Variants in DAB2IP observed in about 807,000 individuals in gnomAD.
DAB2IP encodes disabled homolog 2-interacting protein.
Under a neutral mutation model 107.2 loss-of-function variants are expected in DAB2IP, and 28 were observed. The observed-to-expected ratio is 0.26, with a 90% CI of 0.19 to 0.36. The LOEUF (loss-of-function observed/expected upper bound fraction) is 0.36. Ranked by LOEUF, DAB2IP falls within the 10% of genes least tolerant of loss-of-function variation. The pLI is 1.00. For synonymous variants in DAB2IP, 755 were observed against 706.4 expected (o/e 1.07, Z -1.09); for missense variants, 1,400 against 1,644.7 (o/e 0.85, Z 2.57).
intron 10 of DAB2IP, among the ~76,000 whole-genome samples, chr9:121,769,448 G>C (rs887203206): frequency 1.1e-4 from 17 of 152,190 alleles, no homozygotes; most frequent in African/African-American, 3.6e-4. Flanking sequence ...GCTGCTGTGT[G>C]CATTTCTTAC....
intron 1 of DAB2IP, among the ~76,000 whole-genome samples, chr9:121,627,342 C>G (rs1831694118): frequency 6.6e-6 from 1 of 151,862 alleles, no homozygotes; most frequent in Non-Finnish European, 1.5e-5. Context: ...AACCAGGCCC[C>G]CTGTGATGGA....
intron 1 of DAB2IP, among the ~76,000 whole-genome samples, chr9:121,580,678 C>G (rs1008162892): frequency 4.5e-4 from 69 of 151,882 alleles, no homozygotes; most frequent in Middle Eastern, 3.4e-3. Flanking sequence ...AGGCTGGAGT[C>G]CAGTGGCGCA....
At chr9:121,754,681 G>C (rs1589646929) in intron 3 of DAB2IP, among the ~76,000 whole-genome samples, 1 of 152,176 alleles carries the variant, frequency 6.6e-6, no homozygotes. Flanking sequence ...GGGGAAGGAA[G>C]GGGAGGGCTC....
chr9:121,600,196 G>C (rs1830646628), intron 1 of DAB2IP, among the ~76,000 whole-genome samples: 1 of 152,136 alleles, frequency 6.6e-6, no homozygotes, highest in African/African-American at 2.4e-5. Context: ...CCTGGGAATT[G>C]GTGATAGGGC....
chr9:121,605,715 A>C (rs1830846596), intron 1 of DAB2IP, among the ~76,000 whole-genome samples: 1 of 152,182 alleles, frequency 6.6e-6, no homozygotes, highest in Non-Finnish European at 1.5e-5. Context: ...TATATTGCGC[A>C]GGCTGGTCTT....
At chr9:121,722,368 C>T (rs962654791) in intron 3 of DAB2IP, among the ~76,000 whole-genome samples, 1 of 152,154 alleles carries the variant, frequency 6.6e-6, no homozygotes, top group Non-Finnish European at 1.5e-5. Flanking sequence ...CGGCTCTGGC[C>T]AAAGCCTGTT....
intron 1 of DAB2IP, among the ~76,000 whole-genome samples, chr9:121,675,318 G>A (rs1833854625): frequency 6.6e-6 from 1 of 152,192 alleles, no homozygotes; most frequent in Non-Finnish European, 1.5e-5. Context: ...GGACATTCCT[G>A]CATCGTGGCA....
At chr9:121,714,780 A>T (rs1830506552) in intron 3 of DAB2IP, among the ~76,000 whole-genome samples, 1 of 152,224 alleles carries the variant, frequency 6.6e-6, no homozygotes, top group African/African-American at 2.4e-5. Context: ...AGGCAGTGAG[A>T]GCCCAGATCT....
chr9:121,774,462 A>C, intron 13 of DAB2IP, 50 bp downstream of exon 13: 1 of 1,524,572 alleles, frequency 6.6e-7, no homozygotes, highest in Middle Eastern at 1.8e-4. Context: ...GCCTCCCGGC[A>C]GCAGCTGGTA....
chr9:121,756,716 G>A lies in DAB2IP; in HGVS notation c.363-297G>A, dbSNP rs1368105966. Among the ~76,000 whole-genome samples the A allele has an allele frequency of 2.0e-5, 3 of 152,258 alleles. No homozygotes were observed. In the East Asian group the frequency reaches 5.8e-4, roughly 29 times the overall value. Reference sequence around the variant, plus strand: ...GTCTCTGAGACTTCTCAGGAGCCAAGCTGGCCCAGGCCCCGCAGGCTCACT... The same window carrying A: ...GTCTCTGAGACTTCTCAGGAGCCAAACTGGCCCAGGCCCCGCAGGCTCACT... On this transcript the variant is annotated intron_variant, in intron 3 of 15. Coordinates refer to ENST00000408936, the Ensembl canonical transcript of DAB2IP.
intron 1 of DAB2IP, among the ~76,000 whole-genome samples, chr9:121,632,792 C>T (rs1298772048): frequency 1.3e-5 from 2 of 152,242 alleles, no homozygotes; most frequent in Non-Finnish European, 2.9e-5. Context: ...TCTAGACCAG[C>T]GTCCCACTGT....
intron 3 of DAB2IP, among the ~76,000 whole-genome samples, chr9:121,728,834 G>A (rs946824669): frequency 8.5e-5 from 13 of 152,126 alleles, no homozygotes; most frequent in Non-Finnish European, 7.3e-5. Context: ...GGGACAGCCA[G>A]GGGAAGGGGT....
At chr9:121,762,635 C>T (rs1266442775) in intron 6 of DAB2IP, among the ~76,000 whole-genome samples, 9 of 152,236 alleles carry the variant, frequency 5.9e-5, no homozygotes, top group Non-Finnish European at 1.0e-4. Context: ...GGGTCCACCC[C>T]TCCTGGGCAC....
exon 5 of DAB2IP, chr9:121,758,996 G>C: frequency 6.2e-7 from 1 of 1,610,934 alleles, no homozygotes; most frequent in Non-Finnish European, 8.5e-7. Context: ...ATCCCAACAA[G>C]GTAAGCCTGC....
At chr9:121,568,138 G>C in intron 1 of DAB2IP, among the ~76,000 whole-genome samples, 1 of 152,216 alleles carries the variant, frequency 6.6e-6, no homozygotes, top group Non-Finnish European at 1.5e-5. Context: ...GTCCTCCTGA[G>C]ACCACAGTTC....
In DAB2IP at chr9:121,772,999, C is replaced by G; in HGVS notation, c.2471C>G (p.Ala824Gly). 6.2e-7 allele frequency: 1 copy of G among 1,610,400 alleles called. No individual in the cohort carries two copies. ...GCGCCAGGCCGGCCCCAGCTGTTGG[C>G]ACCGCTCTCCTTCCAGAACCCTGTG... Residue 824 changes from alanine (A) to glycine (G), a missense_variant, in exon 12 of 16, where the codon GCA (alanine) becomes GGA (glycine). Coordinates refer to ENST00000408936, the Ensembl canonical transcript of DAB2IP. This position sits in a 1 kb window ranked among gnomAD's most constrained non-coding sequence, Gnocchi z 4.7.
exon 1 of DAB2IP, chr9:121,567,095 G>A (rs1020546159): frequency 4.7e-5 from 72 of 1,545,162 alleles, no homozygotes; most frequent in Admixed American, 3.6e-5. Context: ...TGGAAAAGCC[G>A]CCAGATGGAA....
chr9:121,658,470 C>T (rs1461441941), intron 1 of DAB2IP, among the ~76,000 whole-genome samples: 1 of 152,236 alleles, frequency 6.6e-6, no homozygotes, highest in Non-Finnish European at 1.5e-5. Flanking sequence ...GTATCGCGTG[C>T]CCGCTCTAGG....
exon 15 of DAB2IP, chr9:121,781,477 G>A (rs1348561500): frequency 6.2e-7 from 1 of 1,614,044 alleles, no homozygotes; most frequent in Non-Finnish European, 8.5e-7. Flanking sequence ...GATGTCCGTG[G>A]AGGAAGAACT....
Sources: gnomAD v4.1 joint callset for allele counts (sites outside exome capture counted in the v4.1 genomes callset) on GRCh38, gnomAD v4.1.1 for gene constraint, Gnocchi (gnomAD v3.1) non-coding constraint, MANE v1.5 for transcripts, NCBI Gene and HGNC (gene_info 2026-07-23, HGNC 2026-07-21) for gene names.